The following PRKG1 variants were observed in gnomAD, a reference collection of about 807,000 sequenced individuals.
The protein encoded by PRKG1 is protein kinase cGMP-dependent 1, also known as cGMP-dependent protein kinase 1.
In PRKG1, 35 loss-of-function variants were observed where a neutral mutation model predicts 88.1. The observed-to-expected ratio is 0.40, with a 90% CI of 0.30 to 0.53. The LOEUF is 0.53. PRKG1 is among the 20% of genes least tolerant of loss of function. The pLI is 0.59. For missense variants in PRKG1, 540 were observed against 839.8 expected, an observed-to-expected ratio of 0.64 and a Z score of 4.41; for synonymous variants, 303 against 292.5, an observed-to-expected ratio of 1.04 and a Z score of -0.37.
At chr10:51,084,277 C>T (rs1375404123) in intron 1 of PRKG1, among the ~76,000 whole-genome samples, 2 of 152,098 alleles carry the variant, frequency 1.3e-5, no homozygotes, top group African/African-American at 4.8e-5. Flanking sequence ...TGACCAAAAA[C>T]ATGTGTTTAA....
Position 51,698,947 on chromosome 10 carries a change from G to C in PRKG1, c.593-105638G>C. On this transcript the variant is annotated intron_variant, in intron 3 of 17. Transcript: ENST00000373980. ...CAGACACAGACTGAGATTTGCCTGG[G>C]ATCAGTGGTGTGACATGTATCTTCC... The C allele has an allele frequency of 6.2e-7, 1 of 1,614,242 alleles. No homozygotes were observed. Among genetic ancestry groups the C allele is most frequent in the Non-Finnish European group, 8.5e-7 (1 of 1,180,044 alleles).
intron 3 of PRKG1, among the ~76,000 whole-genome samples, chr10:51,688,109 G>A (rs1322984255): frequency 6.6e-6 from 1 of 152,068 alleles, no homozygotes; most frequent in Non-Finnish European, 1.5e-5. Context: ...TAATTTTATG[G>A]TGCTTTTATT....
intron 4 of PRKG1, among the ~76,000 whole-genome samples, chr10:51,852,205 T>G (rs1443466236): frequency 7.1e-6 from 1 of 140,868 alleles, no homozygotes; most frequent in African/African-American, 3.0e-5. Context: ...AACCTAAGTT[T>G]TATATGTGTA....
At chr10:51,752,538 G>A (rs1055584940) in intron 3 of PRKG1, among the ~76,000 whole-genome samples, 5 of 152,146 alleles carry the variant, frequency 3.3e-5, no homozygotes, top group Non-Finnish European at 5.9e-5. Context: ...ATAAGAACAA[G>A]AGCTCTTGGC....
At chr10:51,340,026 C>T (rs375752035) in intron 2 of PRKG1, among the ~76,000 whole-genome samples, 2 of 152,076 alleles carry the variant, frequency 1.3e-5, no homozygotes, top group African/African-American at 4.8e-5. Flanking sequence ...GCTTTATTTA[C>T]TTTCAGATGG....
At chr10:51,984,629 T>C (rs1844102034) in intron 5 of PRKG1, among the ~76,000 whole-genome samples, 1 of 152,134 alleles carries the variant, frequency 6.6e-6, no homozygotes, top group Non-Finnish European at 1.5e-5. Context: ...TATTAATACA[T>C]AATATTGTTT....
chr10:51,133,606 CCTGA>C (rs1274885346), intron 1 of PRKG1, among the ~76,000 whole-genome samples: 2 of 152,166 alleles, frequency 1.3e-5, no homozygotes, highest in African/African-American at 4.8e-5. Flanking sequence ...ACATTTACTG[CCTGA>C]CTTTCTGGAC....
chr10:52,267,360 A>T (rs570765843), intron 10 of PRKG1, among the ~76,000 whole-genome samples: 1 of 152,158 alleles, frequency 6.6e-6, no homozygotes, highest in South Asian at 2.1e-4. Context: ...CTTTGCATTC[A>T]TGGAATTCTA....
rs180809435 is a variant in PRKG1 at position 51,126,061 on chromosome 10, T to C, written c.312-27103T>C. ...CTAATATACTATATATAATTATATATAATATACTACATATAATTATATAAT... is the reference window on the plus strand; with the variant it reads ...CTAATATACTATATATAATTATATACAATATACTACATATAATTATATAAT... On this transcript the variant is annotated intron_variant, in intron 1 of 17. Transcript: ENST00000373980. Among the ~76,000 whole-genome samples the C allele has an allele frequency of 4.2e-3, 517 of 122,654 alleles. 3 individuals carry two copies. Among genetic ancestry groups the C allele is most frequent in the African/African-American group, 0.016 (496 of 30,282 alleles). 80.5% of individuals were successfully genotyped at this position (122,654 alleles called of 152,430 possible).
intron 4 of PRKG1, among the ~76,000 whole-genome samples, chr10:51,818,201 G>T (rs1212026529): frequency 6.6e-6 from 1 of 152,142 alleles, no homozygotes; most frequent in Non-Finnish European, 1.5e-5. Flanking sequence ...AGTCAAACCA[G>T]TGCAAGGAGA....
intron 2 of PRKG1, among the ~76,000 whole-genome samples, chr10:51,318,771 T>C (rs577325913): frequency 6.6e-6 from 1 of 152,292 alleles, no homozygotes; most frequent in Admixed American, 6.5e-5. Context: ...AATTCTTGAG[T>C]ATTTTGTGAA....
chr10:51,556,073 A>G (rs765405046), intron 3 of PRKG1, among the ~76,000 whole-genome samples: 1 of 152,024 alleles, frequency 6.6e-6, no homozygotes, highest in Non-Finnish European at 1.5e-5. Flanking sequence ...GGAAGAAGTG[A>G]GTAAGAAAGA....
chr10:51,514,409 A>G (rs867116561), intron 3 of PRKG1, among the ~76,000 whole-genome samples: 9 of 152,278 alleles, frequency 5.9e-5, no homozygotes, highest in Middle Eastern at 3.4e-3. Context: ...GTCCTTATTA[A>G]AAAAACAATT....
chr10:52,234,045 C>T (rs1398917246), intron 9 of PRKG1, among the ~76,000 whole-genome samples: 5 of 151,900 alleles, frequency 3.3e-5, no homozygotes, highest in African/African-American at 1.2e-4. Context: ...CACCCCCCAG[C>T]AGAGGCACAC....
At chr10:51,783,552 G>C (rs4547045) in intron 3 of PRKG1, among the ~76,000 whole-genome samples, 3,698 of 152,176 alleles carry the variant, frequency 0.024, 151 homozygotes, top group African/African-American at 0.083. Context: ...AAACTGTTGG[G>C]ATTAAAAGTG....
intron 4 of PRKG1, among the ~76,000 whole-genome samples, chr10:51,851,779 A>G (rs1287291747): frequency 2.0e-5 from 3 of 152,146 alleles, no homozygotes; most frequent in African/African-American, 7.2e-5. Context: ...AGATGCTGAT[A>G]ATGTTCTGGA....
rs572144919 is a variant in PRKG1 at position 51,158,274 on chromosome 10, G to A, written c.478+4944G>A. On this transcript the variant is annotated intron_variant, in intron 2 of 17. Coordinates refer to ENST00000373980, the MANE Select transcript of PRKG1 (RefSeq NM_006258.4). ...ACATGTTAATAAATGGTAAACTGAT[G>A]CCTGGAGAAGTTAATAACTTGGTCA... Among the ~76,000 whole-genome samples the A allele has an allele frequency of 3.9e-5, 6 of 151,982 alleles. No individual in the cohort carries two copies. The South Asian group carries it at 1.2e-3, about 31-fold the overall frequency.
chr10:52,161,972 C>A lies in PRKG1; in HGVS notation c.1076+9C>A, dbSNP rs1564496142. The A allele has an allele frequency of 1.2e-6, 2 of 1,604,240 alleles. No homozygotes were observed. The highest frequency in any genetic ancestry group is 1.7e-5 in the Admixed American group (1 of 59,698). On this transcript the variant is annotated intron_variant, in intron 9 of 17. Coordinates refer to ENST00000373980, the MANE Select transcript of PRKG1 (RefSeq NM_006258.4). ...GCAGAAGCTAAAGCAAAGTAAGTGA[C>A]TTTTTTCCTTAATTTTGATTGCAAA...
At chr10:51,052,834 C>T (rs1189766559) in intron 1 of PRKG1, among the ~76,000 whole-genome samples, 1 of 152,102 alleles carries the variant, frequency 6.6e-6, no homozygotes, top group Non-Finnish European at 1.5e-5. Context: ...TTAGATAAAG[C>T]GTTTTTCTAT....
Sources: allele counts gnomAD v4.1 joint callset (sites outside exome capture counted in the v4.1 genomes callset), GRCh38; gene constraint gnomAD v4.1.1; transcripts MANE v1.5; gene names NCBI Gene and HGNC (gene_info 2026-07-23, HGNC 2026-07-21).